Variants in SLC14A2 observed in about 807,000 individuals in gnomAD.
The protein encoded by SLC14A2 is solute carrier family 14 member 2, also known as urea transporter 2.
In SLC14A2, 91 loss-of-function variants were observed where a neutral mutation model predicts 104.6. The ratio of observed to expected loss-of-function variants is 0.87; its 90% CI spans 0.73 to 1.04. The LOEUF is 1.04. Ranked by LOEUF, SLC14A2 falls within the 50% of genes least tolerant of loss-of-function variation. The pLI is 0.00. For missense variants in SLC14A2, 1,189 were observed against 1,156.0 expected, an observed-to-expected ratio of 1.03 and a Z score of -0.41; for synonymous variants, 476 against 466.4, an observed-to-expected ratio of 1.02 and a Z score of -0.27.
At chr18:45,644,333 C>T in intron 10 of SLC14A2, 173 bp downstream of exon 10, 1 of 568,068 alleles carries the variant, frequency 1.8e-6, no homozygotes, top group Admixed American at 3.0e-5. Context: ...TTTTCATTCT[C>T]TGCCAGAATC....
chr18:45,499,479 A>G (rs2043156257), intron 2 of SLC14A2, among the ~76,000 whole-genome samples: 1 of 152,174 alleles, frequency 6.6e-6, no homozygotes, highest in African/African-American at 2.4e-5. Flanking sequence ...TCACACCTTA[A>G]AGGCTGTATG....
chr18:45,620,038 C>T (rs538156999), intron 1 of SLC14A2, among the ~76,000 whole-genome samples: 36 of 152,372 alleles, frequency 2.4e-4, no homozygotes, highest in Admixed American at 1.6e-3. Context: ...GAGACTTGCT[C>T]TCCACAGGGC....
chr18:45,550,771 G>A (rs770987951), intron 2 of SLC14A2, among the ~76,000 whole-genome samples: 4 of 152,160 alleles, frequency 2.6e-5, no homozygotes, highest in Non-Finnish European at 4.4e-5. Flanking sequence ...GGGATTAGAG[G>A]ACATTCCAGG....
chr18:45,246,036 A>T (rs577452547), intron 1 of SLC14A2, among the ~76,000 whole-genome samples: 1 of 152,316 alleles, frequency 6.6e-6, no homozygotes, highest in South Asian at 2.1e-4. Flanking sequence ...CACAAAATTC[A>T]CTTTAAACCC....
intron 1 of SLC14A2, among the ~76,000 whole-genome samples, chr18:45,347,238 C>T (rs1310637177): frequency 6.6e-6 from 1 of 152,016 alleles, no homozygotes; most frequent in East Asian, 1.9e-4. Context: ...CACCTATAGT[C>T]CCAGCTACTT....
chr18:45,352,585 C>T (rs773158288), intron 1 of SLC14A2, among the ~76,000 whole-genome samples: 1 of 151,970 alleles, frequency 6.6e-6, no homozygotes, highest in Non-Finnish European at 1.5e-5. Context: ...TGATCCTTGC[C>T]CCTGTAGAGC....
intron 1 of SLC14A2, among the ~76,000 whole-genome samples, chr18:45,444,063 C>A (rs771532535): frequency 5.3e-5 from 8 of 152,136 alleles, no homozygotes; most frequent in Non-Finnish European, 1.2e-4. Flanking sequence ...TAACCATTAC[C>A]AATGCTGCAA....
chr18:45,457,463 C>G (rs1316828978), intron 1 of SLC14A2, among the ~76,000 whole-genome samples: 1 of 152,116 alleles, frequency 6.6e-6, no homozygotes, highest in East Asian at 1.9e-4. Flanking sequence ...CCCATGGAGC[C>G]TCAGTGTTGG....
rs2086344355 is a variant in SLC14A2, at chr18:45,421,265, T to G, written c.-124-61968T>G. On this transcript the variant is annotated intron_variant, in intron 1 of 20. Coordinates refer to the SLC14A2 transcript ENST00000586448. ...CTATTTAACATCGATCCTTTTTTTT[T>G]TTTTAATCAATTTCCCATTTACTGG... Among the ~76,000 whole-genome samples the G allele has an allele frequency of 3.3e-5, 5 of 152,252 alleles. No individual in the cohort carries two copies. In the South Asian group the frequency reaches 1.0e-3, roughly 32 times the overall value.
At chr18:45,626,643 C>T (rs2045260945) in intron 3 of SLC14A2, among the ~76,000 whole-genome samples, 1 of 150,442 alleles carries the variant, frequency 6.6e-6, no homozygotes, top group African/African-American at 2.5e-5. Flanking sequence ...ATAAATTTCC[C>T]TTGGAATGCT....
intron 2 of SLC14A2, among the ~76,000 whole-genome samples, chr18:45,574,500 A>C (rs2044393211): frequency 6.6e-6 from 1 of 152,138 alleles, no homozygotes; most frequent in African/African-American, 2.4e-5. Flanking sequence ...CCCTCAAGGG[A>C]GAGGGCTGGA....
intron 10 of SLC14A2, among the ~76,000 whole-genome samples, chr18:45,657,731 C>A (rs925214962): frequency 2.0e-5 from 3 of 152,192 alleles, no homozygotes; most frequent in African/African-American, 7.2e-5. Context: ...CATTCCATTT[C>A]TTGTGGCCTC....
chr18:45,288,167 C>CT (rs979365662), intron 1 of SLC14A2, among the ~76,000 whole-genome samples: 1 of 139,506 alleles, frequency 7.2e-6, no homozygotes. Flanking sequence ...CAAATGGTAG[C>CT]TTTTGTTGAT....
intron 6 of SLC14A2, among the ~76,000 whole-genome samples, chr18:45,637,992 G>A (rs1015753661): frequency 1.4e-4 from 21 of 152,090 alleles, no homozygotes; most frequent in African/African-American, 4.6e-4. Context: ...AGATCCCAGC[G>A]GAGGAAGCTT....
chr18:45,284,367 T>C (rs7243534), intron 1 of SLC14A2, among the ~76,000 whole-genome samples: 32,026 of 152,056 alleles, frequency 0.21, 4,896 homozygotes, highest in African/African-American at 0.43. Context: ...TGTTGGGAGA[T>C]TGGAGGGCAG....
intron 1 of SLC14A2, among the ~76,000 whole-genome samples, chr18:45,431,580 G>C (rs1318865814): frequency 6.6e-6 from 1 of 152,098 alleles, no homozygotes; most frequent in Non-Finnish European, 1.5e-5. Context: ...GCACTTTAGG[G>C]GACACTGGGC....
chr18:45,289,997 C>T (rs1019179835), intron 1 of SLC14A2, among the ~76,000 whole-genome samples: 2 of 152,208 alleles, frequency 1.3e-5, no homozygotes, highest in African/African-American at 4.8e-5. Context: ...TTGATAATAA[C>T]TTTGACAGAC....
At chr18:45,174,466 T>C in the SLC14A2 span, among the ~76,000 whole-genome samples, 7 of 152,278 alleles carry the variant, frequency 4.6e-5, no homozygotes, top group African/African-American at 1.4e-4. Context: ...TTCTCTAATT[T>C]GCACATTTCT....
Position 45,632,513 on chromosome 18 carries a change from T to G in SLC14A2, c.650+35T>G, listed in dbSNP as rs200417973. 287 of 1,608,238 alleles carry G rather than the reference T, an allele frequency of 1.8e-4. 1 individual carries two copies. The East Asian group carries it at 3.5e-3, about 20-fold the overall frequency. On this transcript the variant is annotated intron_variant, in intron 5 of 19. Coordinates refer to ENST00000255226, the MANE Select transcript of SLC14A2 (RefSeq NM_007163.4). ...CTCATTTTTTCTGCTCACAGCTCCATGGGGCCCCCAAGACACTTGTGTCTT... is the reference window on the plus strand; with the variant it reads ...CTCATTTTTTCTGCTCACAGCTCCAGGGGGCCCCCAAGACACTTGTGTCTT...
Sources: gnomAD v4.1 joint callset for allele counts (sites outside exome capture counted in the v4.1 genomes callset) on GRCh38, gnomAD v4.1.1 for gene constraint, MANE v1.5 for transcripts, NCBI Gene and HGNC (gene_info 2026-07-23, HGNC 2026-07-21) for gene names.